The following LRP1B variants were observed in gnomAD, a reference collection of about 807,000 sequenced individuals.
LRP1B encodes low-density lipoprotein receptor-related protein 1B.
In LRP1B, 217 loss-of-function variants were observed where a neutral mutation model predicts 556.6. The observed-to-expected ratio is 0.39, with a 90% CI of 0.35 to 0.44. LRP1B has a LOEUF of 0.44. Among genes scored for constraint, LRP1B ranks in the 20% least tolerant of loss-of-function variants. The pLI is 1.00. For missense variants in LRP1B, 5,053 were observed against 5,620.8 expected (o/e 0.90, Z 3.23); for synonymous variants, 2,047 against 1,865.8 (o/e 1.10, Z -2.50).
rs537493556 is a variant in LRP1B, at chr2:140,605,852, T to G, written c.6800-4213A>C. 9.2e-5 allele frequency among the ~76,000 whole-genome samples: 14 copies of G among 152,220 alleles called. No homozygotes were observed. In the South Asian group the frequency reaches 2.3e-3, roughly 25 times the overall value. On this transcript the variant is annotated intron_variant, in intron 41 of 90. Transcript: ENST00000389484. ...TCAACAAACTAGCAATAGAACTTCCTCAACTTGATAAAAGGAATACCAAAA... is the reference window on the plus strand; with the variant it reads ...TCAACAAACTAGCAATAGAACTTCCGCAACTTGATAAAAGGAATACCAAAA...
At chr2:141,324,000 C>CAT (rs1314332292) in intron 3 of LRP1B, among the ~76,000 whole-genome samples, 1 of 137,530 alleles carries the variant, frequency 7.3e-6, no homozygotes, top group Admixed American at 7.6e-5. Context: ...GGAAATCACA[C>CAT]ACACACACAC....
intron 62 of LRP1B, among the ~76,000 whole-genome samples, chr2:140,452,620 G>C (rs1224908498): frequency 6.6e-6 from 1 of 152,010 alleles, no homozygotes. Context: ...ATTTTTCTTA[G>C]CATGTTACAT....
intron 43 of LRP1B, among the ~76,000 whole-genome samples, chr2:140,551,260 T>C (rs1221421395): frequency 6.6e-6 from 1 of 152,186 alleles, no homozygotes; most frequent in Admixed American, 6.6e-5. Flanking sequence ...ACAGATTGCT[T>C]GCTATGAGAG....
At chr2:140,301,395 C>T (rs892991096) in intron 83 of LRP1B, among the ~76,000 whole-genome samples, 5 of 152,058 alleles carry the variant, frequency 3.3e-5, no homozygotes, top group Non-Finnish European at 5.9e-5. Context: ...AAACATGCTA[C>T]AACAGCAAAC....
In LRP1B at chr2:140,262,701, T is replaced by C. The variant is rs142011263; in HGVS notation, c.13247+7541A>G. ...TTCGAAATCCAGAAAACAAGAGGAA[T>C]ACTTCTAAAGGGGGGGAGTCCCTGA... On this transcript the variant is annotated intron_variant, in intron 86 of 90. Transcript: ENST00000389484. 7.8e-4 allele frequency among the ~76,000 whole-genome samples: 119 copies of C among 152,186 alleles called. No individual in the cohort carries two copies. In the East Asian group the frequency reaches 0.019, roughly 25 times the overall value.
At chr2:140,532,947 T>TATATATATATATATATATATATACAC in intron 47 of LRP1B, among the ~76,000 whole-genome samples, 7 of 124,318 alleles carry the variant, frequency 5.6e-5, no homozygotes, top group African/African-American at 2.2e-4. Flanking sequence ...TATATATATA[T>TATATATATATATATATATATATACAC]ACACATATAT....
Position 141,822,130 on chromosome 2 carries a change from C to CAGAGAG in LRP1B, c.83-11735_83-11730dup, listed in dbSNP as rs1553469382. On this transcript the variant is annotated intron_variant, in intron 1 of 90. Transcript: ENST00000389484. ...ACACACACACACACACACACACACA[C>CAGAGAG]AGAGAGAGAGAGAGAGAGAGAGAGA... 2.4e-4 allele frequency among the ~76,000 whole-genome samples: 23 copies of CAGAGAG among 95,894 alleles called. 1 individual carries two copies. Among genetic ancestry groups the CAGAGAG allele is most frequent in the African/African-American group, 8.5e-4 (19 of 22,422 alleles). The allele number at this position is 95,894 out of a possible 152,430, so 62.9% of individuals were successfully genotyped here.
intron 35 of LRP1B, among the ~76,000 whole-genome samples, chr2:140,727,056 T>A (rs757135739): frequency 1.3e-5 from 2 of 152,178 alleles, no homozygotes; most frequent in Admixed American, 1.3e-4. Context: ...GGCTGCTACA[T>A]TTTATTTCTC....
At chr2:140,744,916 CA>C (rs1292436350) in intron 35 of LRP1B, among the ~76,000 whole-genome samples, 1 of 152,134 alleles carries the variant, frequency 6.6e-6, no homozygotes, top group Non-Finnish European at 1.5e-5. Context: ...GTTTGACATA[CA>C]GTAGGTGCTC....
rs543023585 is a variant in LRP1B at position 141,081,012 on chromosome 2, T to C, written c.1014-18739A>G. 8.5e-5 allele frequency among the ~76,000 whole-genome samples: 13 copies of C among 152,176 alleles called. No homozygotes were observed. In the South Asian group the frequency reaches 2.7e-3, roughly 32 times the overall value. ...CATGCCAGACAAATTTTTGTAATTT[T>C]TGTAGTGATGGGGTTTTGCCATGTT... On this transcript the variant is annotated intron_variant, in intron 7 of 90. Coordinates refer to ENST00000389484, the MANE Select transcript of LRP1B (RefSeq NM_018557.3).
chr2:141,563,338 T>C lies in LRP1B; in HGVS notation c.206-82805A>G, dbSNP rs771054998. ...GGGAAATATCTACATAGAAGTGAGA[T>C]TGGAAATAAATAAATTGCCAAAGAA... On this transcript the variant is annotated intron_variant, in intron 2 of 90. Coordinates refer to ENST00000389484, the MANE Select transcript of LRP1B (RefSeq NM_018557.3). Among the ~76,000 whole-genome samples the C allele has an allele frequency of 5.0e-4, 76 of 151,738 alleles. 1 individual carries two copies. The highest frequency in any genetic ancestry group is 9.7e-4 in the Non-Finnish European group (66 of 67,938).
chr2:141,427,349 T>C (rs907147264), intron 3 of LRP1B, among the ~76,000 whole-genome samples: 17 of 152,220 alleles, frequency 1.1e-4, no homozygotes, highest in Non-Finnish European at 1.6e-4. Context: ...TTTTAGCAAA[T>C]AAATTTTAAA....
intron 31 of LRP1B, among the ~76,000 whole-genome samples, chr2:140,827,673 G>A (rs953151625): frequency 6.6e-5 from 10 of 152,076 alleles, no homozygotes; most frequent in Admixed American, 3.3e-4. Context: ...TAAGGGAGTT[G>A]AGAAAGAGCA....
Position 141,856,057 on chromosome 2 carries a change from A to T in LRP1B, c.83-45656T>A, listed in dbSNP as rs149668464. Among the ~76,000 whole-genome samples, 419 of 152,258 alleles carry T rather than the reference A, an allele frequency of 2.8e-3. 3 individuals are homozygous for T. Among genetic ancestry groups the T allele is most frequent in the African/African-American group, 9.6e-3 (397 of 41,562 alleles). ...ATTACCTTAAGTGCTTTCCCTTTTC[A>T]TCCAAAAGAGAATTTGTTTATACTA... On this transcript the variant is annotated intron_variant, in intron 1 of 90. Coordinates refer to ENST00000389484, the MANE Select transcript of LRP1B (RefSeq NM_018557.3).
intron 43 of LRP1B, among the ~76,000 whole-genome samples, chr2:140,585,623 G>GT (rs1681953624): frequency 6.6e-6 from 1 of 152,056 alleles, no homozygotes; most frequent in Non-Finnish European, 1.5e-5. Flanking sequence ...AGATCACACA[G>GT]TTTTTTTGAA....
intron 24 of LRP1B, 73 bp from the exon 25 acceptor site, chr2:140,884,094 G>T: frequency 7.6e-7 from 1 of 1,316,514 alleles, no homozygotes; most frequent in Non-Finnish European, 1.1e-6. Flanking sequence ...AGGCCTTTGT[G>T]CCTGTGATCA....
rs1339368883 is a variant in LRP1B at position 141,005,516 on chromosome 2, GTGAAC to G, written c.2381-64_2381-60del. ...CTCTGATTCACGTTCTTTCTAGGAG[GTGAAC>G]ATAGATGTAATTACATACACTTATA... On this transcript the variant is annotated intron_variant, in intron 14 of 90. Transcript: ENST00000389484. 11 of 1,567,710 alleles carry G rather than the reference GTGAAC, an allele frequency of 7.0e-6. No homozygotes were observed. In the African/African-American group the frequency reaches 1.2e-4, roughly 17 times the overall value.
intron 2 of LRP1B, among the ~76,000 whole-genome samples, chr2:141,655,383 C>G (rs1016392023): frequency 2.6e-5 from 4 of 152,068 alleles, no homozygotes; most frequent in African/African-American, 9.7e-5. Context: ...AGAGCCCTCC[C>G]TGATGTTATT....
At chr2:142,019,496 C>T (rs1381148714) in intron 1 of LRP1B, among the ~76,000 whole-genome samples, 2 of 152,138 alleles carry the variant, frequency 1.3e-5, no homozygotes, top group Non-Finnish European at 2.9e-5. Flanking sequence ...CTCCATGTCA[C>T]TATTGTCACT....
Sources: allele counts gnomAD v4.1 joint callset (sites outside exome capture counted in the v4.1 genomes callset), GRCh38; gene constraint gnomAD v4.1.1; transcripts MANE v1.5; gene names NCBI Gene and HGNC (gene_info 2026-07-23, HGNC 2026-07-21).